Variants in FKBP1A observed in about 807,000 individuals in gnomAD.
The protein encoded by FKBP1A is FKBP prolyl isomerase 1A.
In FKBP1A, 5 loss-of-function variants were observed where a neutral mutation model predicts 14.2. The ratio of observed to expected loss-of-function variants is 0.35; its 90% CI spans 0.18 to 0.74. The LOEUF is 0.74. Among genes scored for constraint, FKBP1A ranks in the 30% least tolerant of loss-of-function variants. FKBP1A has a pLI of 0.56. For synonymous variants in FKBP1A, 42 were observed against 49.1 expected (o/e 0.86, Z 0.60); for missense variants, 53 against 138.8 (o/e 0.38, Z 3.10).
intron 2 of FKBP1A, among the ~76,000 whole-genome samples, chr20:1,392,206 T>A (rs934467980): frequency 2.0e-5 from 3 of 152,158 alleles, no homozygotes; most frequent in African/African-American, 4.8e-5. Flanking sequence ...GATTTGTAAG[T>A]GGCTCAAAAG....
intron 2 of FKBP1A, among the ~76,000 whole-genome samples, chr20:1,389,749 TAA>T (rs2089711235): frequency 6.6e-6 from 1 of 152,124 alleles, no homozygotes; most frequent in South Asian, 2.1e-4. Context: ...CTGAAGTAAG[TAA>T]AAGAGGTCTA....
At chr20:1,388,675 C>T (rs1279408267) in intron 2 of FKBP1A, among the ~76,000 whole-genome samples, 2 of 150,112 alleles carry the variant, frequency 1.3e-5, no homozygotes, top group South Asian at 2.1e-4. Flanking sequence ...ACCTGGGATA[C>T]AACCAGTGTC....
Position 1,369,923 on chromosome 20 carries a change from G to A in FKBP1A, c.*186C>T, listed in dbSNP as rs2089439923. The A allele has an allele frequency of 1.7e-6, 2 of 1,196,980 alleles. No homozygotes were observed. Among genetic ancestry groups the A allele is most frequent in the South Asian group, 3.0e-5 (2 of 66,748 alleles). 74.1% of individuals were successfully genotyped at this position (1,196,980 alleles called of 1,614,324 possible). A position where few individuals can be genotyped will look rare whatever the true frequency, so the allele number is the denominator to read the frequency against. On this transcript the variant is annotated 3_prime_UTR_variant, in exon 5 of 5. Coordinates refer to ENST00000400137, the MANE Select transcript of FKBP1A (RefSeq NM_000801.5). ...ACACACATACGAGGAGAAAGGGGAA[G>A]AGGAAACAGAGGTGTCGGAAGCAAA...
intron 2 of FKBP1A, among the ~76,000 whole-genome samples, chr20:1,382,073 A>T (rs1014285219): frequency 6.6e-6 from 1 of 152,232 alleles, no homozygotes; most frequent in African/African-American, 2.4e-5. Context: ...CTAAAATGCT[A>T]TATATGTTTA....
intron 2 of FKBP1A, among the ~76,000 whole-genome samples, chr20:1,390,595 C>A (rs1319714481): frequency 6.6e-6 from 1 of 152,158 alleles, no homozygotes. Flanking sequence ...ACCTTTATAA[C>A]CTCCACCTTC....
At chr20:1,380,165 C>A (rs186969021) in intron 2 of FKBP1A, among the ~76,000 whole-genome samples, 1 of 152,018 alleles carries the variant, frequency 6.6e-6, no homozygotes, top group African/African-American at 2.4e-5. Context: ...CACCAGACAT[C>A]TGTAATGAAG....
At chr20:1,374,417 C>T (rs973772635) in intron 3 of FKBP1A, 7 of 152,186 alleles carry the variant, frequency 4.6e-5, no homozygotes, top group Non-Finnish European at 7.3e-5. Context: ...AGTGGTCTCA[C>T]ACAATATGGG....
At position 1,380,011 on chromosome 20, in the gene FKBP1A, A is replaced by G. The variant is rs181542335; in HGVS notation, c.86-4408T>C. On this transcript the variant is annotated intron_variant, in intron 2 of 4. Transcript: ENST00000400137. ...GTCAAAACAGATAGTGAGAACTTCC[A>G]TTTCTGGTCACGGTGGAGGACAAGG... Among the ~76,000 whole-genome samples the G allele has an allele frequency of 6.4e-3, 972 of 152,090 alleles. 6 individuals are homozygous for G. The highest frequency in any genetic ancestry group is 9.7e-3 in the Non-Finnish European group (659 of 67,924).
chr20:1,371,925 ATAACAC>A (rs1184690633), intron 4 of FKBP1A, 145 bp downstream of exon 4: 1 of 1,422,732 alleles, frequency 7.0e-7, no homozygotes, highest in Admixed American at 3.1e-5. Context: ...GCATACACTA[ATAACAC>A]TGAAAGGATA....
intron 3 of FKBP1A, chr20:1,375,167 T>C (rs1033199859): frequency 7.8e-6 from 4 of 514,060 alleles, no homozygotes; most frequent in Non-Finnish European, 1.4e-5. Context: ...AGTGCTGGAA[T>C]TACAGGCATG....
At chr20:1,376,508 A>G (rs1359750530) in intron 2 of FKBP1A, among the ~76,000 whole-genome samples, 1 of 152,162 alleles carries the variant, frequency 6.6e-6, no homozygotes, top group Admixed American at 6.6e-5. Context: ...GTGGCCCTTC[A>G]AGAATTAACT....
intron 4 of FKBP1A, 55 bp from the exon 5 acceptor site, chr20:1,370,127 A>G (rs987321301): frequency 2.3e-5 from 35 of 1,534,314 alleles, no homozygotes; most frequent in Non-Finnish European, 3.1e-5. Context: ...CTTTGTGTGC[A>G]GTGGCGACAG....
At position 1,375,423 on chromosome 20, in the gene FKBP1A, A is replaced by G. The variant is rs1033273268; in HGVS notation, c.198+68T>C. 1.2e-5 allele frequency: 14 copies of G among 1,136,794 alleles called. No individual in the cohort carries two copies. The Middle Eastern group carries it at 6.0e-4, about 48-fold the overall frequency. 70.4% of individuals were successfully genotyped at this position (1,136,794 alleles called of 1,614,324 possible). On this transcript the variant is annotated intron_variant, in intron 3 of 4. Coordinates refer to ENST00000400137, the MANE Select transcript of FKBP1A (RefSeq NM_000801.5). ...TTTTTTATTTTTGAACCGTATAAAT[A>G]TGCCACCTATAAAAAAATATAAAAG...
rs1466740119 is a variant in FKBP1A at position 1,386,425 on chromosome 20, C to T, written c.85+6409G>A. ...ACTGAATAGCTACTCTATGCCAAGA[C>T]TGATGGGGAGACCTTGGAGAACAAC... On this transcript the variant is annotated intron_variant, in intron 2 of 4. Transcript: ENST00000400137. This position sits in a 1 kb window ranked among gnomAD's most constrained non-coding sequence, Gnocchi z 4.7. 1.3e-5 allele frequency among the ~76,000 whole-genome samples: 2 copies of T among 152,226 alleles called. No individual in the cohort carries two copies. Among genetic ancestry groups the T allele is most frequent in the Non-Finnish European group, 2.9e-5 (2 of 68,042 alleles).
chr20:1,371,699 C>A, intron 4 of FKBP1A: 1 of 990,498 alleles, frequency 1.0e-6, no homozygotes, highest in South Asian at 4.6e-5. Context: ...CTTCTAGAAA[C>A]ACAGGGTAGA....
chr20:1,380,548 A>G (rs2089606046), intron 2 of FKBP1A, among the ~76,000 whole-genome samples: 1 of 152,192 alleles, frequency 6.6e-6, no homozygotes, highest in Non-Finnish European at 1.5e-5. Context: ...TATAGTAGGA[A>G]ATAATCAGCC....
At chr20:1,392,555 G>A (rs1306235268) in intron 2 of FKBP1A, among the ~76,000 whole-genome samples, 1 of 152,168 alleles carries the variant, frequency 6.6e-6, no homozygotes, top group Non-Finnish European at 1.5e-5. Flanking sequence ...TCTGTGCAGC[G>A]GGCATAAGGG....
chr20:1,387,049 TATTTTTA>T, intron 2 of FKBP1A, among the ~76,000 whole-genome samples: 1 of 152,322 alleles, frequency 6.6e-6, no homozygotes, highest in Middle Eastern at 3.4e-3. Flanking sequence ...CAGGTGACAA[TATTTTTA>T]GAGAAAATTC....
intron 4 of FKBP1A, chr20:1,371,285 G>A (rs1303742225): frequency 1.2e-6 from 1 of 843,636 alleles, no homozygotes; most frequent in East Asian, 1.2e-4. Flanking sequence ...CCTAAGAAAT[G>A]AGGGTGGAAG....
Sources: allele counts gnomAD v4.1 joint callset (sites outside exome capture counted in the v4.1 genomes callset), GRCh38; gene constraint gnomAD v4.1.1; non-coding constraint Gnocchi (gnomAD v3.1); transcripts MANE v1.5; gene names NCBI Gene and HGNC (gene_info 2026-07-23, HGNC 2026-07-21).